The following RUSF1 variants were observed in gnomAD, a reference collection of about 807,000 sequenced individuals.
RUSF1 encodes the protein RUS1 family protein C16orf58.
In RUSF1, 58 loss-of-function variants were observed where a neutral mutation model predicts 63.0. The ratio of observed to expected loss-of-function variants is 0.92; its 90% CI spans 0.75 to 1.15. RUSF1 has a LOEUF of 1.15. Ranked by LOEUF, RUSF1 falls within the 50% of genes most tolerant of loss-of-function variation. The probability of loss-of-function intolerance (pLI) is 0.00; values close to 1 mark genes in which losing one functional copy is unlikely to be tolerated. For synonymous variants in RUSF1, 274 were observed against 255.8 expected, an observed-to-expected ratio of 1.07 and a Z score of -0.68; for missense variants, 652 against 611.0, an observed-to-expected ratio of 1.07 and a Z score of -0.71.
intron 5 of RUSF1, among the ~76,000 whole-genome samples, chr16:31,498,475 C>T (rs757104284): frequency 2.6e-5 from 4 of 152,260 alleles, no homozygotes; most frequent in East Asian, 1.9e-4. Context: ...ACGGCCCTAA[C>T]GTGATTTTAA....
rs775002648 is a variant in RUSF1 at position 31,490,212 on chromosome 16, A to T, written c.*623T>A. 5 of 1,614,182 alleles carry T rather than the reference A, an allele frequency of 3.1e-6. No individual in the cohort carries two copies. The highest frequency in any genetic ancestry group is 3.3e-5 in the Admixed American group (2 of 60,030). On this transcript the variant is annotated 3_prime_UTR_variant, in exon 13 of 13. Transcript: ENST00000327237. ...CCCTGTACAGAATGGGTGCCCAGAG[A>T]GTGCCATGGAGATGAATGGTAGGGC...
chr16:31,490,744 A>G lies in RUSF1; in HGVS notation c.*91T>C. On this transcript the variant is annotated 3_prime_UTR_variant, in exon 13 of 13. Coordinates refer to ENST00000327237, the MANE Select transcript of RUSF1 (RefSeq NM_022744.4). The stretch of plus-strand genomic sequence containing the variant: ...CCCACCCGCTGCAGTTGCCCTAAGG[A>G]AAAATAAAGCTGCCTTTCCCCTGTC... 1 of 1,462,766 alleles carries G rather than the reference A, an allele frequency of 6.8e-7. No individual in the cohort carries two copies. Among genetic ancestry groups the G allele is most frequent in the Non-Finnish European group, 9.5e-7 (1 of 1,048,046 alleles). The allele number at this position is 1,462,766 out of a possible 1,614,324, so 90.6% of individuals were successfully genotyped here.
At position 31,493,671 on chromosome 16, in the gene RUSF1, T is replaced by C. The variant is rs767747052; in HGVS notation, c.890A>G (p.Lys297Arg). The C allele has an allele frequency of 4.8e-5, 77 of 1,614,098 alleles. No individual in the cohort carries two copies. Among genetic ancestry groups the C allele is most frequent in the Non-Finnish European group, 6.2e-5 (73 of 1,180,050 alleles). Reference protein sequence around the residue: ...LNEGRLRLVLKHYLQRGEVLD... With the variant: ...LNEGRLRLVLRHYLQRGEVLD... Reference sequence around the variant, plus strand: ...TACCTCTCCCCTCTGAAGGTAGTGCTTCAGGACCAGCCGGAGCCGGCCTTC... The same window carrying C: ...TACCTCTCCCCTCTGAAGGTAGTGCCTCAGGACCAGCCGGAGCCGGCCTTC... Residue 297 changes from lysine (K) to arginine (R), a missense_variant, in exon 8 of 13, where the codon AAG (lysine) becomes AGG (arginine). Lys to Arg is a conservative substitution (Grantham distance 26). Coordinates refer to ENST00000327237, the MANE Select transcript of RUSF1 (RefSeq NM_022744.4).
intron 9 of RUSF1, 80 bp from the exon 10 acceptor site, chr16:31,493,128 A>G: frequency 7.1e-7 from 1 of 1,412,814 alleles, no homozygotes; most frequent in Admixed American, 1.8e-5. Context: ...ACAGCCACCC[A>G]GTGAACTGAA....
At chr16:31,492,108 C>A in intron 11 of RUSF1, 22 bp from the exon 12 acceptor site, 1 of 1,614,128 alleles carries the variant, frequency 6.2e-7, no homozygotes, top group Non-Finnish European at 8.5e-7. Context: ...GGTGCAGAAC[C>A]AGAAGCTCTG....
At position 31,496,915 on chromosome 16, in the gene RUSF1, A is replaced by G. The variant is rs1195317644; in HGVS notation, c.636T>C (p.Ala212=). The change falls in exon 6 of 13, where the codon GCT becomes GCC. Residue 212 remains alanine, a synonymous_variant. Coordinates refer to ENST00000327237, the MANE Select transcript of RUSF1 (RefSeq NM_022744.4). The part of the protein sequence containing the change: ...IVSVAGGATR[A]ALTVHQARRN... ...TCCGAGCCTGGTGCACGGTCAGGGC[A>G]GCCCGAGTGGCCCCACCAGCAACAC... 1.9e-6 allele frequency: 3 copies of G among 1,610,170 alleles called. No homozygotes were observed. Among genetic ancestry groups the G allele is most frequent in the Non-Finnish European group, 8.5e-7 (1 of 1,178,586 alleles).
chr16:31,506,907 T>C (rs747779050), intron 2 of RUSF1, among the ~76,000 whole-genome samples: 12 of 152,132 alleles, frequency 7.9e-5, no homozygotes, highest in Non-Finnish European at 1.5e-4. Flanking sequence ...TCAGTCTTAA[T>C]GGTAAAGGTG....
chr16:31,504,919 A>G (rs796151668), intron 2 of RUSF1, among the ~76,000 whole-genome samples: 17 of 152,340 alleles, frequency 1.1e-4, no homozygotes, highest in African/African-American at 4.1e-4. Flanking sequence ...ATATGTTTAC[A>G]GGCAGTATGC....
chr16:31,507,759 C>T lies in RUSF1; in HGVS notation c.415+5G>A. On this transcript the variant is annotated splice_donor_5th_base_variant and intron_variant, in intron 2 of 12. Coordinates refer to ENST00000327237, the MANE Select transcript of RUSF1 (RefSeq NM_022744.4). Reference sequence around the variant, plus strand: ...AATACGTGAGGCTCCAGGGGTGCAGCTCACCTTTCACGAGCCAGGTGGCCG... The same window carrying T: ...AATACGTGAGGCTCCAGGGGTGCAGTTCACCTTTCACGAGCCAGGTGGCCG... The T allele has an allele frequency of 6.4e-7, 1 of 1,558,958 alleles. No individual in the cohort carries two copies.
intron 2 of RUSF1, among the ~76,000 whole-genome samples, 157 bp from the exon 3 acceptor site, chr16:31,500,888 G>A (rs977105168): frequency 6.6e-6 from 1 of 152,122 alleles, no homozygotes; most frequent in African/African-American, 2.4e-5. Context: ...TACATAATGG[G>A]GTCAGAAGTG....
At chr16:31,507,184 T>C (rs2082663905) in intron 2 of RUSF1, among the ~76,000 whole-genome samples, 1 of 152,218 alleles carries the variant, frequency 6.6e-6, no homozygotes, top group Non-Finnish European at 1.5e-5. Context: ...GTGTAGAACA[T>C]GTAACAATTT....
chr16:31,490,185 C>T lies in RUSF1; in HGVS notation c.*650G>A, dbSNP rs1472160761. ...TGCTGATGAGCAGCAAGGCTCCTCA[C>T]TCCCTGTACAGAATGGGTGCCCAGA... On this transcript the variant is annotated 3_prime_UTR_variant, in exon 13 of 13. Transcript: ENST00000327237. 2 of 1,614,172 alleles carry T rather than the reference C, an allele frequency of 1.2e-6. No homozygotes were observed. The highest frequency in any genetic ancestry group is 1.3e-5 in the African/African-American group (1 of 75,058).
rs554032378 is a variant in RUSF1 at position 31,497,038 on chromosome 16, G to A, written c.601-88C>T. ...GACCAGCTGGAGAAAACCTGGCCCC[G>A]GCCAAACTCTGAATGCTGTCCTTGG... On this transcript the variant is annotated intron_variant, in intron 5 of 12. Transcript: ENST00000327237. 240 of 1,067,494 alleles carry A rather than the reference G, an allele frequency of 2.2e-4. No homozygotes were observed. In the African/African-American group the frequency reaches 2.6e-3, roughly 12 times the overall value. The allele number at this position is 1,067,494 out of a possible 1,614,324, so 66.1% of individuals were successfully genotyped here.
intron 5 of RUSF1, among the ~76,000 whole-genome samples, chr16:31,498,314 C>T (rs923305844): frequency 6.6e-6 from 1 of 152,136 alleles, no homozygotes; most frequent in Non-Finnish European, 1.5e-5. Flanking sequence ...GATGGCACAA[C>T]CCTCGGTCCA....
chr16:31,491,334 T>A (rs558942735), intron 12 of RUSF1, among the ~76,000 whole-genome samples: 1 of 152,104 alleles, frequency 6.6e-6, no homozygotes, highest in Non-Finnish European at 1.5e-5. Context: ...CATCTTTTTT[T>A]TTTTTTTGAG....
At chr16:31,498,662 T>C (rs1367196811) in intron 5 of RUSF1, among the ~76,000 whole-genome samples, 2 of 151,928 alleles carry the variant, frequency 1.3e-5, no homozygotes, top group Non-Finnish European at 2.9e-5. Context: ...GGAGGAAGAG[T>C]GTGCTTGAGC....
chr16:31,492,354 G>A lies in RUSF1; in HGVS notation c.1088-14C>T. On this transcript the variant is annotated splice_polypyrimidine_tract_variant and intron_variant, in intron 10 of 12. Transcript: ENST00000327237. The stretch of plus-strand genomic sequence containing the variant: ...CCTGTACCTGGTCTGGAGGGACCCA[G>A]AGACAGACTGGTATCAGGGAAGGGC... 4 of 1,529,586 alleles carry A rather than the reference G, an allele frequency of 2.6e-6. No individual in the cohort carries two copies. Among genetic ancestry groups the A allele is most frequent in the Non-Finnish European group, 2.6e-6 (3 of 1,139,612 alleles). The allele number at this position is 1,529,586 out of a possible 1,614,324, so 94.8% of individuals were successfully genotyped here.
intron 6 of RUSF1, 103 bp downstream of exon 6, chr16:31,496,746 C>T: frequency 9.9e-7 from 1 of 1,010,930 alleles, no homozygotes; most frequent in Non-Finnish European, 1.4e-6. Flanking sequence ...CAGGGAGCAC[C>T]CATACTTCTT....
rs972767864 is a variant in RUSF1, at chr16:31,490,789, C to T, written c.*46G>A. 6.3e-7 allele frequency: 1 copy of T among 1,599,622 alleles called. No individual in the cohort carries two copies. Among genetic ancestry groups the T allele is most frequent in the Non-Finnish European group, 8.6e-7 (1 of 1,167,220 alleles). On this transcript the variant is annotated 3_prime_UTR_variant, in exon 13 of 13. Transcript: ENST00000327237. ...CCTGTCCTGCTGTGGCCAAAGTGTC[C>T]TTGCTCCAGGTTCCTGCCCTGGGCT...
Sources: gnomAD v4.1 joint callset for allele counts (sites outside exome capture counted in the v4.1 genomes callset) on GRCh38, gnomAD v4.1.1 for gene constraint, MANE v1.5 for transcripts, NCBI Gene and HGNC (gene_info 2026-07-23, HGNC 2026-07-21) for gene names.